Variants in DACH2 observed in about 807,000 individuals in gnomAD.
DACH2 encodes the protein dachshund homolog 2.
A neutral mutation model predicts 35.8 loss-of-function variants in DACH2; 17 were observed. That is an observed-to-expected ratio of 0.48 (90% confidence interval 0.33 to 0.71). DACH2 has a LOEUF of 0.71. Among genes scored for constraint, DACH2 ranks in the 30% least tolerant of loss-of-function variants. The pLI, the probability that DACH2 is intolerant of heterozygous loss-of-function variation, is 0.02. For missense variants in DACH2, 469 were observed against 472.7 expected, an observed-to-expected ratio of 0.99 and a Z score of 0.07; for synonymous variants, 195 against 177.3, an observed-to-expected ratio of 1.10 and a Z score of -0.79.
intron 2 of DACH2, among the ~76,000 whole-genome samples, chrX:86,405,912 G>C (rs1035519962): frequency 1.7e-4 from 19 of 111,415 alleles, no homozygotes; most frequent in Admixed American, 2.9e-4. Context: ...TCACATGGTG[G>C]TGGCGGCAAG....
intron 1 of DACH2, among the ~76,000 whole-genome samples, chrX:86,246,835 C>T (rs760200007): frequency 7.2e-5 from 8 of 111,465 alleles, no homozygotes; most frequent in Non-Finnish European, 1.3e-4. Context: ...TCAATATTAA[C>T]CTTGAATGTA....
chrX:86,436,600 G>A, intron 2 of DACH2, among the ~76,000 whole-genome samples: 2 of 110,794 alleles, frequency 1.8e-5, no homozygotes, highest in Admixed American at 1.9e-4. Context: ...TTGGACTGTG[G>A]TTTTTTTCTT....
At chrX:86,712,027 A>C (rs1157511291) in intron 5 of DACH2, among the ~76,000 whole-genome samples, 1 of 111,709 alleles carries the variant, frequency 9.0e-6, no homozygotes, top group African/African-American at 3.3e-5. Flanking sequence ...AAGCTTATTT[A>C]AGCATTTGAA....
intron 3 of DACH2, among the ~76,000 whole-genome samples, chrX:86,579,754 G>A (rs2039479331): frequency 8.9e-6 from 1 of 112,151 alleles, no homozygotes; most frequent in African/African-American, 3.2e-5. Context: ...GTAAGGTTTA[G>A]GTAGATGTTC....
At chrX:86,577,819 G>C (rs2039454481) in intron 3 of DACH2, among the ~76,000 whole-genome samples, 1 of 111,417 alleles carries the variant, frequency 9.0e-6, no homozygotes, top group African/African-American at 3.3e-5. Context: ...GAACCCAAGA[G>C]GGCTGGCTAT....
chrX:86,678,854 T>A (rs995018265), intron 4 of DACH2, among the ~76,000 whole-genome samples: 1 of 112,192 alleles, frequency 8.9e-6, no homozygotes, highest in African/African-American at 3.2e-5. Context: ...TCTTTGTCAT[T>A]TACATATTGG....
chrX:86,253,804 G>T (rs1239133220), intron 1 of DACH2, among the ~76,000 whole-genome samples: 4 of 112,021 alleles, frequency 3.6e-5, no homozygotes, highest in Non-Finnish European at 7.5e-5. Context: ...ACATCTATAA[G>T]ACCCTATAAG....
chrX:86,165,137 A>G (rs1317192170), intron 1 of DACH2, among the ~76,000 whole-genome samples: 7 of 110,480 alleles, frequency 6.3e-5, no homozygotes, highest in Non-Finnish European at 1.1e-4. Flanking sequence ...TTCTCATTGT[A>G]GAGACCTTTC....
At chrX:86,700,340 A>G (rs947638020) in intron 5 of DACH2, among the ~76,000 whole-genome samples, 1 of 111,039 alleles carries the variant, frequency 9.0e-6, no homozygotes, top group Non-Finnish European at 1.9e-5. Context: ...GATTTGTCCA[A>G]TACTGTCAGT....
At chrX:86,277,299 A>T in intron 1 of DACH2, among the ~76,000 whole-genome samples, 1 of 111,441 alleles carries the variant, frequency 9.0e-6, no homozygotes, top group Non-Finnish European at 1.9e-5. Context: ...TAAACAGATG[A>T]CTTTTTTGAT....
At chrX:86,292,525 C>T (rs2034326770) in intron 1 of DACH2, among the ~76,000 whole-genome samples, 1 of 111,179 alleles carries the variant, frequency 9.0e-6, no homozygotes, top group African/African-American at 3.3e-5. Context: ...GTTAGGTTGT[C>T]AATTTTGGAT....
intron 4 of DACH2, among the ~76,000 whole-genome samples, chrX:86,679,596 C>G (rs1241305156): frequency 1.0e-5 from 1 of 96,302 alleles, no homozygotes; most frequent in East Asian, 3.0e-4. Context: ...ATATGTCTCT[C>G]TCTCTCTCTC....
intron 1 of DACH2, among the ~76,000 whole-genome samples, chrX:86,323,870 C>G (rs1010180383): frequency 1.8e-5 from 2 of 112,210 alleles, no homozygotes; most frequent in African/African-American, 3.2e-5. Context: ...GTGGCTAGCC[C>G]TCATGGCTCA....
chrX:86,464,277 C>G (rs1314267527), intron 2 of DACH2, among the ~76,000 whole-genome samples: 2 of 111,275 alleles, frequency 1.8e-5, no homozygotes, highest in Non-Finnish European at 3.8e-5. Context: ...ACCCAAATGC[C>G]CATCAATTAT....
intron 7 of DACH2, among the ~76,000 whole-genome samples, chrX:86,792,942 A>G (rs1372316118): frequency 9.0e-6 from 1 of 111,464 alleles, no homozygotes; most frequent in Non-Finnish European, 1.9e-5. Flanking sequence ...TTTTCAAGAA[A>G]TCTCCATTCT....
intron 1 of DACH2, among the ~76,000 whole-genome samples, chrX:86,372,973 G>T (rs1447955838): frequency 1.8e-5 from 2 of 111,103 alleles, no homozygotes; most frequent in African/African-American, 6.5e-5. Flanking sequence ...ATGGCCTCCA[G>T]CTGCTTCCAT....
rs1202143664 is a variant in DACH2 at position 86,745,418 on chromosome X, A to G, written c.1240+5536A>G. Among the ~76,000 whole-genome samples the G allele has an allele frequency of 2.7e-5, 3 of 109,345 alleles. No homozygotes were observed. In the Admixed American group the frequency reaches 2.9e-4, roughly 11 times the overall value. 95.0% of individuals were successfully genotyped at this position (109,345 alleles called of 115,157 possible). A position where few individuals can be genotyped will look rare whatever the true frequency, so the allele number is the denominator to read the frequency against. On this transcript the variant is annotated intron_variant, in intron 7 of 11. Transcript: ENST00000373125. ...TTTTTGAATCCTCTCCCTCTTCCCA[A>G]CCTCCACCCTCAAGTAGGCCCCAGT... is the stretch of plus-strand genomic sequence containing the variant.
intron 1 of DACH2, among the ~76,000 whole-genome samples, chrX:86,169,492 C>T (rs1163966833): frequency 9.0e-6 from 1 of 110,812 alleles, no homozygotes; most frequent in Admixed American, 9.6e-5. Context: ...TTATCTCTAC[C>T]CCTGTCTTCT....
intron 4 of DACH2, among the ~76,000 whole-genome samples, chrX:86,653,598 G>A (rs777179758): frequency 6.4e-5 from 7 of 109,753 alleles, no homozygotes; most frequent in Non-Finnish European, 1.3e-4. Flanking sequence ...CTCAGCATTT[G>A]CTTGTCTGAA....
Sources: gnomAD v4.1 joint callset for allele counts (sites outside exome capture counted in the v4.1 genomes callset) on GRCh38, gnomAD v4.1.1 for gene constraint, MANE v1.5 for transcripts, NCBI Gene and HGNC (gene_info 2026-07-23, HGNC 2026-07-21) for gene names.